CIBAR2: variants seen among roughly 807,000 people sequenced by gnomAD.
CIBAR2 encodes CBY1 interacting BAR domain containing 2.
A neutral mutation model predicts 36.2 loss-of-function variants in CIBAR2; 38 were observed. That is an observed-to-expected ratio of 1.05 (90% CI 0.81 to 1.38). The LOEUF (loss-of-function observed/expected upper bound fraction) is 1.38, where lower values mean the gene tolerates loss of function less well. Among genes scored for constraint, CIBAR2 ranks in the 40% most tolerant of loss-of-function variants. The probability of loss-of-function intolerance (pLI) is 0.00; values close to 1 mark genes in which losing one functional copy is unlikely to be tolerated. For missense variants in CIBAR2, 481 were observed against 383.4 expected, an observed-to-expected ratio of 1.25 and a Z score of -2.13; for synonymous variants, 182 against 149.5, an observed-to-expected ratio of 1.22 and a Z score of -1.58.
At chr16:85,105,481 C>T in intron 5 of CIBAR2, 50 bp from the exon 6 acceptor site, 1 of 1,285,720 alleles carries the variant, frequency 7.8e-7, no homozygotes, top group South Asian at 1.2e-5. Context: ...GTGCTTCTGG[C>T]CCTTAGACAC....
intron 6 of CIBAR2, among the ~76,000 whole-genome samples, chr16:85,102,815 C>T (rs1462115417): frequency 6.6e-6 from 1 of 152,080 alleles, no homozygotes; most frequent in Non-Finnish European, 1.5e-5. Flanking sequence ...TTAGATAAGC[C>T]AGTATTCTCT....
At position 85,106,700 on chromosome 16, in the gene CIBAR2, C is replaced by G. The variant is rs118062898; in HGVS notation, c.432+967G>C. On this transcript the variant is annotated intron_variant, in intron 5 of 8. Transcript: ENST00000539556. ...CACACCTTGATTTGGCCCAGTGGGC[C>G]CACGGTGAACCTCTAACCTCCTGAA... Among the ~76,000 whole-genome samples the G allele has an allele frequency of 9.4e-3, 1,436 of 152,286 alleles. 6 individuals are homozygous for G. The highest frequency in any genetic ancestry group is 0.016 in the South Asian group (78 of 4,828).
Position 85,108,106 on chromosome 16 carries a change from G to C in CIBAR2, c.256-7C>G, listed in dbSNP as rs761327978. ...TGGTCTCCAGCCTCTCGACCTGGGGGAGCGGGGACACCAGGGGATCTGAGC... is the reference window on the plus strand; with the variant it reads ...TGGTCTCCAGCCTCTCGACCTGGGGCAGCGGGGACACCAGGGGATCTGAGC... On this transcript the variant is annotated splice_polypyrimidine_tract_variant and splice_region_variant and intron_variant, in intron 2 of 8. Transcript: ENST00000539556. The C allele has an allele frequency of 6.2e-7, 1 of 1,606,184 alleles. No homozygotes were observed. The highest frequency in any genetic ancestry group is 8.5e-7 in the Non-Finnish European group (1 of 1,176,090).
intron 6 of CIBAR2, among the ~76,000 whole-genome samples, chr16:85,102,880 G>A (rs2073966511): frequency 6.6e-6 from 1 of 150,396 alleles, no homozygotes; most frequent in African/African-American, 2.5e-5. Flanking sequence ...GCTAACAATC[G>A]GTCCTGGAGA....
At chr16:85,110,095 G>T in intron 2 of CIBAR2, 131 bp downstream of exon 2, 2 of 636,930 alleles carry the variant, frequency 3.1e-6, no homozygotes, top group African/African-American at 1.8e-5. Context: ...AATGTCCATT[G>T]TCGGTGGATG....
chr16:85,102,671 A>AATAAAT (rs1047414061), intron 6 of CIBAR2, among the ~76,000 whole-genome samples: 5 of 152,258 alleles, frequency 3.3e-5, no homozygotes, highest in Admixed American at 2.0e-4. Context: ...TAAATAAATA[A>AATAAAT]ATAAATATAA....
intron 2 of CIBAR2, 48 bp from the exon 3 acceptor site, chr16:85,108,147 C>A (rs1292135650): frequency 6.5e-7 from 1 of 1,540,788 alleles, no homozygotes; most frequent in South Asian, 1.2e-5. Flanking sequence ...GTGCTGCCTG[C>A]CTCCAGCCTG....
At chr16:85,103,359 C>T (rs947607372) in intron 6 of CIBAR2, among the ~76,000 whole-genome samples, 1 of 152,130 alleles carries the variant, frequency 6.6e-6, no homozygotes, top group African/African-American at 2.4e-5. Context: ...ATAAATCACC[C>T]AGCTTAAAGT....
intron 6 of CIBAR2, among the ~76,000 whole-genome samples, chr16:85,104,185 C>T (rs909977585): frequency 2.0e-5 from 3 of 152,182 alleles, no homozygotes; most frequent in South Asian, 4.1e-4. Context: ...AGGTTGAAGC[C>T]GAAGGAGAAG....
chr16:85,100,002 C>G, intron 8 of CIBAR2, 137 bp downstream of exon 8: 1 of 675,030 alleles, frequency 1.5e-6, no homozygotes, highest in Non-Finnish European at 2.5e-6. Flanking sequence ...ATGCTCCCAC[C>G]ACCCCTGCCT....
At chr16:85,104,322 G>A (rs1371800298) in intron 6 of CIBAR2, among the ~76,000 whole-genome samples, 1 of 152,234 alleles carries the variant, frequency 6.6e-6, no homozygotes, top group Admixed American at 6.5e-5. Context: ...AGGGCTTCAG[G>A]AGCCTGGAAG....
intron 6 of CIBAR2, among the ~76,000 whole-genome samples, chr16:85,104,585 A>G (rs528900104): frequency 1.3e-5 from 2 of 152,252 alleles, no homozygotes; most frequent in Non-Finnish European, 2.9e-5. Context: ...GCGTGGTGGT[A>G]CGTGCCTATA....
chr16:85,110,702 G>GC, intron 1 of CIBAR2, among the ~76,000 whole-genome samples: 1 of 98,456 alleles, frequency 1.0e-5, no homozygotes, highest in African/African-American at 4.8e-5. Flanking sequence ...TGCAGACCTG[G>GC]CCTTTTTTTT....
intron 1 of CIBAR2, among the ~76,000 whole-genome samples, chr16:85,111,712 A>G (rs1597674528): frequency 1.3e-5 from 2 of 152,184 alleles, no homozygotes; most frequent in South Asian, 4.1e-4. Context: ...CGGGCGTAAT[A>G]GCACGCCTGT....
In CIBAR2 at chr16:85,111,194, C is replaced by T. The variant is rs572082108; in HGVS notation, c.21-734G>A. Among the ~76,000 whole-genome samples the T allele has an allele frequency of 8.3e-4, 126 of 152,234 alleles. 4 individuals are homozygous for T. The South Asian group carries it at 0.011, about 13-fold the overall frequency. On this transcript the variant is annotated intron_variant, in intron 1 of 8. Transcript: ENST00000539556. ...CTCTCTCCCTGTGACCAAAGTCCCC[C>T]GTGCAACCCTCTCATCAAATCCCTG...
At chr16:85,102,065 G>A in intron 7 of CIBAR2, 149 bp downstream of exon 7, 1 of 598,840 alleles carries the variant, frequency 1.7e-6, no homozygotes, top group Non-Finnish European at 3.0e-6. Context: ...CCACCCAGGG[G>A]CAGATATTGA....
chr16:85,103,548 C>T (rs561832979), intron 6 of CIBAR2, among the ~76,000 whole-genome samples: 2 of 152,194 alleles, frequency 1.3e-5, no homozygotes, highest in Non-Finnish European at 2.9e-5. Flanking sequence ...TCTGTTGGCC[C>T]CTGACCTGGA....
At position 85,107,846 on chromosome 16, in the gene CIBAR2, G is replaced by A. The variant is rs747509166; in HGVS notation, c.426C>T (p.Ile142=). ...AGGCCCCACTTCCAGGGAAGGATAC[G>A]ATCATTTGCTGATCCGAGGGTGACT... is the stretch of plus-strand genomic sequence containing the variant. ...RQKSPSDQQM[I]SQAETRVQRA... Residue 142 remains isoleucine, a splice_region_variant and synonymous_variant, in exon 4 of 9, where the codon ATC becomes ATT. Transcript: ENST00000539556. 17 of 1,612,032 alleles carry A rather than the reference G, an allele frequency of 1.1e-5. No homozygotes were observed. In the African/African-American group the frequency reaches 1.3e-4, roughly 13 times the overall value.
rs774334699 is a variant in CIBAR2, at chr16:85,112,354, G to C, written c.-2C>G. The stretch of plus-strand genomic sequence containing the variant: ...TCACCTGGAGAAGACGATGTTCATT[G>C]TGACCAGAGCTTTGGCTGTCCCGGT... On this transcript the variant is annotated 5_prime_UTR_variant, in exon 1 of 9. Coordinates refer to ENST00000539556, the MANE Select transcript of CIBAR2 (RefSeq NM_198491.3). 1 of 1,614,010 alleles carries C rather than the reference G, an allele frequency of 6.2e-7. No individual in the cohort carries two copies. The highest frequency in any genetic ancestry group is 1.1e-5 in the South Asian group (1 of 91,088).
Sources: allele counts gnomAD v4.1 joint callset (sites outside exome capture counted in the v4.1 genomes callset), GRCh38; gene constraint gnomAD v4.1.1; transcripts MANE v1.5; gene names NCBI Gene and HGNC (gene_info 2026-07-23, HGNC 2026-07-21).